The following CDH13 variants were observed in gnomAD, a reference collection of about 807,000 sequenced individuals.
The protein encoded by CDH13 is cadherin 13.
CDH13 carries 24 observed loss-of-function variants against 63.8 expected under a neutral mutation model. That is an observed-to-expected ratio of 0.38 (90% CI 0.27 to 0.53). The LOEUF is 0.53. Among genes scored for constraint, CDH13 ranks in the 20% least tolerant of loss-of-function variants. The pLI is 0.85. For synonymous variants in CDH13, 503 were observed against 355.3 expected (o/e 1.42, Z -4.67); for missense variants, 1,049 against 903.1 (o/e 1.16, Z -2.07).
At position 83,047,936 on chromosome 16, in the gene CDH13, A is replaced by G. The variant is rs1917952404; in HGVS notation, c.366+15718A>G. 2.6e-5 allele frequency among the ~76,000 whole-genome samples: 4 copies of G among 152,350 alleles called. No homozygotes were observed. In the South Asian group the frequency reaches 8.3e-4, roughly 32 times the overall value. Reference sequence around the variant, plus strand: ...GTGACCAGCACAGGGTCATACATCTAGAATATTTTGGAGACATATTTTTGC... The same window carrying G: ...GTGACCAGCACAGGGTCATACATCTGGAATATTTTGGAGACATATTTTTGC... On this transcript the variant is annotated intron_variant, in intron 3 of 13. Transcript: ENST00000567109. This position sits in a 1 kb window ranked among gnomAD's most constrained non-coding sequence, Gnocchi z 4.9.
At chr16:83,521,030 A>G (rs1265897741) in intron 7 of CDH13, among the ~76,000 whole-genome samples, 2 of 152,188 alleles carry the variant, frequency 1.3e-5, no homozygotes, top group Non-Finnish European at 2.9e-5. Flanking sequence ...TATTTCTAAC[A>G]TCTGTTCTAA....
intron 5 of CDH13, among the ~76,000 whole-genome samples, chr16:83,231,432 G>C (rs927678443): frequency 2.0e-5 from 3 of 152,170 alleles, no homozygotes; most frequent in Non-Finnish European, 4.4e-5. Context: ...GAGGAGAATT[G>C]CACGTTAACA....
chr16:83,648,098 G>A (rs1437748513), intron 8 of CDH13, among the ~76,000 whole-genome samples: 3 of 152,054 alleles, frequency 2.0e-5, no homozygotes, highest in Admixed American at 2.0e-4. Context: ...TGAATTTGTT[G>A]CTTTGTAAAG....
rs1308119613 is a variant in CDH13 at position 82,803,053 on chromosome 16, G to A, written c.46-55309G>A. On this transcript the variant is annotated intron_variant, in intron 1 of 13. Transcript: ENST00000567109. ...CTATTCTATAGTAGAAACAGTGCCA[G>A]GCCATGGGATTTAGACATCAGAGGC... is the stretch of plus-strand genomic sequence containing the variant. Among the ~76,000 whole-genome samples, 3 of 152,186 alleles carry A rather than the reference G, an allele frequency of 2.0e-5. No individual in the cohort carries two copies. The East Asian group carries it at 5.8e-4, about 29-fold the overall frequency.
intron 11 of CDH13, among the ~76,000 whole-genome samples, chr16:83,778,099 TC>T (rs1232008602): frequency 6.6e-6 from 1 of 152,250 alleles, no homozygotes; most frequent in East Asian, 1.9e-4. Context: ...CTCTAACCTT[TC>T]TTGCAGAAAA....
At position 83,184,820 on chromosome 16, in the gene CDH13, G is replaced by T. The variant is rs111422703; in HGVS notation, c.484-32525G>T. Among the ~76,000 whole-genome samples, 30 of 152,110 alleles carry T rather than the reference G, an allele frequency of 2.0e-4. No individual in the cohort carries two copies. In the East Asian group the frequency reaches 3.5e-3, roughly 18 times the overall value. ...GACGGTAATAATACCTGATGCTTTCGTAGCAGTCCCTGCTCCAGACTATAT... is the reference window on the plus strand; with the variant it reads ...GACGGTAATAATACCTGATGCTTTCTTAGCAGTCCCTGCTCCAGACTATAT... On this transcript the variant is annotated intron_variant, in intron 4 of 13. Transcript: ENST00000567109.
intron 1 of CDH13, among the ~76,000 whole-genome samples, chr16:82,748,132 T>A (rs2034258750): frequency 6.6e-6 from 1 of 152,154 alleles, no homozygotes; most frequent in Admixed American, 6.5e-5. Context: ...CTATAATAAA[T>A]GACTCCCTGG....
At chr16:82,786,330 C>G (rs1488438324) in intron 1 of CDH13, among the ~76,000 whole-genome samples, 2 of 150,598 alleles carry the variant, frequency 1.3e-5, no homozygotes, top group African/African-American at 4.9e-5. Context: ...ATTTATGGGA[C>G]AAAATGGACA....
In CDH13 at chr16:82,672,280, G is replaced by A. The variant is rs575357001; in HGVS notation, c.45+45143G>A. Among the ~76,000 whole-genome samples, 3 of 152,294 alleles carry A rather than the reference G, an allele frequency of 2.0e-5. No homozygotes were observed. The South Asian group carries it at 6.2e-4, about 32-fold the overall frequency. ...ACTGATATAATGTATGCACACCATT[G>A]AGCAGTGTGTCTTCCTCATTATTAC... On this transcript the variant is annotated intron_variant, in intron 1 of 13. Coordinates refer to ENST00000567109, the MANE Select transcript of CDH13 (RefSeq NM_001257.5).
intron 5 of CDH13, among the ~76,000 whole-genome samples, chr16:83,228,834 T>A (rs1232465647): frequency 6.6e-6 from 1 of 152,142 alleles, no homozygotes; most frequent in African/African-American, 2.4e-5. Context: ...GAAAGTGACA[T>A]GATCAGATTT....
chr16:83,254,945 T>TTTTC (rs1906029517), intron 5 of CDH13, among the ~76,000 whole-genome samples: 2 of 108,664 alleles, frequency 1.8e-5, no homozygotes, highest in African/African-American at 6.5e-5. Context: ...GATTTTTTCT[T>TTTTC]TTTCTCTTTC....
intron 5 of CDH13, among the ~76,000 whole-genome samples, chr16:83,257,782 C>G (rs1162524108): frequency 2.0e-5 from 3 of 152,086 alleles, no homozygotes; most frequent in African/African-American, 4.8e-5. Context: ...GTGTATATAC[C>G]CAGTGATGGG....
intron 1 of CDH13, among the ~76,000 whole-genome samples, chr16:82,721,776 T>G (rs933045892): frequency 1.3e-5 from 2 of 152,156 alleles, no homozygotes; most frequent in African/African-American, 4.8e-5. Context: ...GCACTGTACT[T>G]CCAGTGAGCT....
intron 6 of CDH13, among the ~76,000 whole-genome samples, chr16:83,438,370 G>T (rs1045343267): frequency 1.3e-5 from 2 of 152,228 alleles, no homozygotes; most frequent in African/African-American, 4.8e-5. Context: ...GGTGTATATT[G>T]CTGACTTACC....
intron 6 of CDH13, among the ~76,000 whole-genome samples, chr16:83,386,427 A>T (rs1281586793): frequency 1.3e-5 from 2 of 152,248 alleles, no homozygotes; most frequent in Non-Finnish European, 1.5e-5. Flanking sequence ...ACTTGATAGT[A>T]AAAACTGCCT....
At chr16:83,621,574 C>G (rs1034073954) in intron 8 of CDH13, among the ~76,000 whole-genome samples, 1 of 142,326 alleles carries the variant, frequency 7.0e-6, no homozygotes, top group Non-Finnish European at 1.5e-5. Flanking sequence ...GCAAACTCCT[C>G]CTCTTAGGTT....
chr16:83,579,304 C>G (rs1905323737), intron 7 of CDH13, among the ~76,000 whole-genome samples: 1 of 152,092 alleles, frequency 6.6e-6, no homozygotes, highest in Non-Finnish European at 1.5e-5. Flanking sequence ...TTCTCATATT[C>G]CTATAAAGAA....
At chr16:83,109,922 A>T (rs912261200) in intron 3 of CDH13, among the ~76,000 whole-genome samples, 1 of 152,178 alleles carries the variant, frequency 6.6e-6, no homozygotes, top group Non-Finnish European at 1.5e-5. Flanking sequence ...TTGTGTTGTT[A>T]TTGCTCCTGC....
intron 2 of CDH13, among the ~76,000 whole-genome samples, chr16:83,000,063 A>G (rs1912696211): frequency 6.6e-6 from 1 of 152,022 alleles, no homozygotes; most frequent in Non-Finnish European, 1.5e-5. Flanking sequence ...CCAAAATGTC[A>G]ATAGTGCTGT....
Sources: allele counts gnomAD v4.1 joint callset (sites outside exome capture counted in the v4.1 genomes callset), GRCh38; gene constraint gnomAD v4.1.1; non-coding constraint Gnocchi (gnomAD v3.1); transcripts MANE v1.5; gene names NCBI Gene and HGNC (gene_info 2026-07-23, HGNC 2026-07-21).